Variants in POFUT2 observed in about 807,000 individuals in gnomAD.
POFUT2 encodes the protein protein O-fucosyltransferase 2, also known as GDP-fucose protein O-fucosyltransferase 2.
In POFUT2, 30 loss-of-function variants were observed where a neutral mutation model predicts 55.0. That is an observed-to-expected ratio of 0.55 (90% CI 0.41 to 0.74). The LOEUF (loss-of-function observed/expected upper bound fraction) is 0.74, where lower values mean the gene tolerates loss of function less well. POFUT2 is among the 30% of genes least tolerant of loss of function. The pLI, the probability that POFUT2 is intolerant of heterozygous loss-of-function variation, is 0.00. For synonymous variants in POFUT2, 267 were observed against 231.1 expected, an observed-to-expected ratio of 1.16 and a Z score of -1.41; for missense variants, 524 against 562.6, an observed-to-expected ratio of 0.93 and a Z score of 0.69.
chr21:45,268,602 C>T (rs1374540336), intron 7 of POFUT2, among the ~76,000 whole-genome samples: 13 of 151,444 alleles, frequency 8.6e-5, no homozygotes, highest in South Asian at 4.2e-4. Context: ...AGCCGCCCAT[C>T]GTCTGAGATG....
At chr21:45,278,198 G>C (rs779310818) in intron 4 of POFUT2, 29 bp from the exon 5 acceptor site, 6 of 1,561,610 alleles carry the variant, frequency 3.8e-6, no homozygotes, top group East Asian at 2.2e-5. Context: ...AGAATAAACA[G>C]TTATAAGAGT....
intron 8 of POFUT2, chr21:45,266,457 G>A (rs1602144495): frequency 3.5e-6 from 4 of 1,142,236 alleles, no homozygotes; most frequent in Non-Finnish European, 4.4e-6. Context: ...TCGCGCAGCT[G>A]AGGGCAGGAG....
Position 45,285,626 on chromosome 21 carries a change from G to T in POFUT2, c.382+52C>A, listed in dbSNP as rs1362099072. ...CCTGATGTCTACCTTAGAAATGACTGCCTGGCCCCAGTTAAGCAACCACGG... is the reference window on the plus strand; with the variant it reads ...CCTGATGTCTACCTTAGAAATGACTTCCTGGCCCCAGTTAAGCAACCACGG... On this transcript the variant is annotated intron_variant, in intron 2 of 8. Transcript: ENST00000349485. The surrounding 1 kb of genome is among the most constrained non-coding windows in gnomAD (Gnocchi z 4.9). The T allele has an allele frequency of 1.9e-6, 3 of 1,610,118 alleles. No individual in the cohort carries two copies. In the Admixed American group the frequency reaches 5.0e-5, roughly 27 times the overall value.
At position 45,268,725 on chromosome 21, in the gene POFUT2, A is replaced by G. The variant is rs559183774; in HGVS notation, c.1013-1012T>C. 2.8e-5 allele frequency among the ~76,000 whole-genome samples: 4 copies of G among 144,692 alleles called. No individual in the cohort carries two copies. The South Asian group carries it at 6.8e-4, about 25-fold the overall frequency. 94.9% of individuals were successfully genotyped at this position (144,692 alleles called of 152,430 possible). A position where few individuals can be genotyped will look rare whatever the true frequency, so the allele number is the denominator to read the frequency against. ...CTCTGCCCGGCCGCCCCGTCTGAGA[A>G]GTGAGGAGCCTCTCCGCCCGGCAGC... On this transcript the variant is annotated intron_variant, in intron 7 of 8. Coordinates refer to ENST00000349485, the MANE Select transcript of POFUT2 (RefSeq NM_133635.6).
chr21:45,277,207 G>A lies in POFUT2; in HGVS notation c.706-65C>T, dbSNP rs1602192765. On this transcript the variant is annotated intron_variant, in intron 5 of 8. Transcript: ENST00000349485. The surrounding 1 kb of genome is among the most constrained non-coding windows in gnomAD (Gnocchi z 6.9). ...CCGCCACGCAGCCCTCCCGGAGCGG[G>A]TTCTCCTGTCGCTGCCACCACCCAC... The A allele has an allele frequency of 1.3e-5, 20 of 1,577,518 alleles. 1 individual carries two copies. The East Asian group carries it at 4.5e-4, about 36-fold the overall frequency.
Position 45,281,568 on chromosome 21 carries a change from G to A in POFUT2, c.638+781C>T, listed in dbSNP as rs372824893. Among the ~76,000 whole-genome samples, 1 of 152,086 alleles carries A rather than the reference G, an allele frequency of 6.6e-6. No homozygotes were observed. The highest frequency in any genetic ancestry group is 6.5e-5 in the Admixed American group (1 of 15,272). ...AGCTGTTACTGACCAGGGTGATACC[G>A]AGCCAGCTGTGATGTGCAACAGGAT... On this transcript the variant is annotated intron_variant, in intron 4 of 8. Transcript: ENST00000349485. This position sits in a 1 kb window ranked among gnomAD's most constrained non-coding sequence, Gnocchi z 5.0.
At position 45,282,702 on chromosome 21, in the gene POFUT2, G is replaced by T; in HGVS notation, c.528-243C>A. ...CATGATAGGGGCTGGCGGGATGGCC[G>T]GGGAGGCAGAGGGAGCCGGACAGAG... is the stretch of plus-strand genomic sequence containing the variant. On this transcript the variant is annotated intron_variant, in intron 3 of 8. Coordinates refer to ENST00000349485, the MANE Select transcript of POFUT2 (RefSeq NM_133635.6). This position sits in a 1 kb window ranked among gnomAD's most constrained non-coding sequence, Gnocchi z 4.6. 1.8e-6 allele frequency: 1 copy of T among 552,868 alleles called. No homozygotes were observed. Among genetic ancestry groups the T allele is most frequent in the East Asian group, 3.7e-5 (1 of 27,094 alleles). 34.2% of individuals were successfully genotyped at this position (552,868 alleles called of 1,614,324 possible).
chr21:45,268,707 C>T (rs1371311585), intron 7 of POFUT2, among the ~76,000 whole-genome samples: 6 of 149,540 alleles, frequency 4.0e-5, no homozygotes, highest in Admixed American at 6.6e-5. Flanking sequence ...CGTCTCTGCC[C>T]GGCCGCCCCG....
At position 45,282,307 on chromosome 21, in the gene POFUT2, C is replaced by T. The variant is rs2030775628; in HGVS notation, c.638+42G>A. 7.7e-7 allele frequency: 1 copy of T among 1,297,116 alleles called. No homozygotes were observed. Among genetic ancestry groups the T allele is most frequent in the Admixed American group, 1.7e-5 (1 of 58,634 alleles). 80.4% of individuals were successfully genotyped at this position (1,297,116 alleles called of 1,614,324 possible). On this transcript the variant is annotated intron_variant, in intron 4 of 8. Transcript: ENST00000349485. The surrounding 1 kb of genome is among the most constrained non-coding windows in gnomAD (Gnocchi z 4.6). ...CAGCCCAGCATGCACGGAGCAGACG[C>T]CACAGCCTCCAGGCTGCTCCCGGGG... is the stretch of plus-strand genomic sequence containing the variant.
At position 45,264,642 on chromosome 21, in the gene POFUT2, G is replaced by C. The variant is rs1253975872; in HGVS notation, c.*840C>G. On this transcript the variant is annotated 3_prime_UTR_variant, in exon 9 of 9. Transcript: ENST00000349485. Reference sequence around the variant, plus strand: ...CATGTGCACCTGCCAGCCGGGGCGAGGGCAGGGACGGCCAGCCGGGCGAGG... The same window carrying C: ...CATGTGCACCTGCCAGCCGGGGCGACGGCAGGGACGGCCAGCCGGGCGAGG... The C allele has an allele frequency of 6.6e-6, 1 of 150,986 alleles. No homozygotes were observed. The highest frequency in any genetic ancestry group is 1.5e-5 in the Non-Finnish European group (1 of 68,250). The allele number at this position is 150,986 out of a possible 1,614,324, so 9.4% of individuals were successfully genotyped here.
At chr21:45,271,683 C>G (rs1250133746) in intron 6 of POFUT2, among the ~76,000 whole-genome samples, 1 of 152,218 alleles carries the variant, frequency 6.6e-6, no homozygotes, top group East Asian at 1.9e-4. Flanking sequence ...GAAAACCTAT[C>G]AGATTCACAG....
intron 3 of POFUT2, 173 bp downstream of exon 3, chr21:45,283,209 TG>T: frequency 7.6e-6 from 2 of 263,808 alleles, no homozygotes; most frequent in Non-Finnish European, 6.9e-6. Flanking sequence ...CCGGGGGGAG[TG>T]GGGGGTGAAG....
At chr21:45,275,246 G>C (rs1394617092) in intron 6 of POFUT2, among the ~76,000 whole-genome samples, 2 of 152,166 alleles carry the variant, frequency 1.3e-5, no homozygotes, top group East Asian at 3.8e-4. Flanking sequence ...TGCAAGAATG[G>C]CCATAATTTA....
At chr21:45,276,258 C>A (rs1301646963) in intron 6 of POFUT2, among the ~76,000 whole-genome samples, 3 of 150,466 alleles carry the variant, frequency 2.0e-5, no homozygotes, top group Non-Finnish European at 4.4e-5. Context: ...AAAAAAAACA[C>A]TGAAAAGAAA....
intron 6 of POFUT2, among the ~76,000 whole-genome samples, chr21:45,273,494 C>G (rs917824512): frequency 6.6e-6 from 1 of 152,000 alleles, no homozygotes; most frequent in Non-Finnish European, 1.5e-5. Context: ...TTCCAAAAGA[C>G]AGAGAAAGAG....
chr21:45,265,616 C>T lies in POFUT2; in HGVS notation c.1156G>A (p.Val386Ile), dbSNP rs932156597. 31 of 1,613,134 alleles carry T rather than the reference C, an allele frequency of 1.9e-5. No individual in the cohort carries two copies. In the East Asian group the frequency reaches 6.5e-4, roughly 34 times the overall value. The change falls in exon 9 of 9, where the codon GTC (valine) becomes ATC (isoleucine). Residue 386 changes from valine to isoleucine, a missense_variant. Coordinates refer to ENST00000349485, the MANE Select transcript of POFUT2 (RefSeq NM_133635.6). This position sits in a 1 kb window ranked among gnomAD's most constrained non-coding sequence, Gnocchi z 4.6. The part of the protein sequence containing the change: ...AHARFFIGTS[V>I]STFSFRIHEE... ...TGAATCCGAAAAGAAAATGTTGAGA[C>T]TGAGGTGCCAATAAAAAACCTGCAA...
In POFUT2 at chr21:45,277,184, G is replaced by T. The variant is rs752480429; in HGVS notation, c.706-42C>A. On this transcript the variant is annotated intron_variant, in intron 5 of 8. Coordinates refer to ENST00000349485, the MANE Select transcript of POFUT2 (RefSeq NM_133635.6). The surrounding 1 kb of genome is among the most constrained non-coding windows in gnomAD (Gnocchi z 6.9). ...GGCTCGGCTGAGAACACGCCCGCCCGCCACGCAGCCCTCCCGGAGCGGGTT... is the reference window on the plus strand; with the variant it reads ...GGCTCGGCTGAGAACACGCCCGCCCTCCACGCAGCCCTCCCGGAGCGGGTT... 1.9e-6 allele frequency: 3 copies of T among 1,597,104 alleles called. No individual in the cohort carries two copies. Among genetic ancestry groups the T allele is most frequent in the Non-Finnish European group, 1.7e-6 (2 of 1,174,302 alleles).
chr21:45,286,244 C>A (rs2031392832), intron 1 of POFUT2, among the ~76,000 whole-genome samples: 1 of 152,200 alleles, frequency 6.6e-6, no homozygotes, highest in African/African-American at 2.4e-5. Flanking sequence ...CCCCTTTACA[C>A]TGGAAACAAT....
chr21:45,283,590 C>T, intron 2 of POFUT2, 63 bp from the exon 3 acceptor site: 2 of 1,542,148 alleles, frequency 1.3e-6, no homozygotes, highest in East Asian at 2.2e-5. Context: ...TACGGGCATG[C>T]ATCAGTCACC....
Sources: gnomAD v4.1 joint callset for allele counts (sites outside exome capture counted in the v4.1 genomes callset) on GRCh38, gnomAD v4.1.1 for gene constraint, Gnocchi (gnomAD v3.1) non-coding constraint, MANE v1.5 for transcripts, NCBI Gene and HGNC (gene_info 2026-07-23, HGNC 2026-07-21) for gene names.